The following LINGO2 variants were observed in gnomAD, a reference collection of about 807,000 sequenced individuals.
The protein encoded by LINGO2 is leucine-rich repeat and immunoglobulin-like domain-containing nogo receptor-interacting protein 2.
Under a neutral mutation model 30.6 loss-of-function variants are expected in LINGO2, and 14 were observed. That is an observed-to-expected ratio of 0.46 (90% confidence interval 0.30 to 0.72). The LOEUF is 0.72. LINGO2 is among the 30% of genes least tolerant of loss of function. The pLI is 0.07. For synonymous variants in LINGO2, 317 were observed against 288.5 expected, an observed-to-expected ratio of 1.10 and a Z score of -1.00; for missense variants, 729 against 751.7, an observed-to-expected ratio of 0.97 and a Z score of 0.35.
intron 5 of LINGO2, among the ~76,000 whole-genome samples, chr9:28,006,672 A>G (rs576301974): frequency 3.9e-5 from 6 of 152,284 alleles, no homozygotes; most frequent in African/African-American, 1.2e-4. Flanking sequence ...TAGGACTACA[A>G]TAATCTCTCA....
Position 28,028,326 on chromosome 9 carries a change from C to T in LINGO2, c.-86-15921G>A, listed in dbSNP as rs987263460. Among the ~76,000 whole-genome samples the T allele has an allele frequency of 3.9e-5, 6 of 152,154 alleles. No individual in the cohort carries two copies. In the East Asian group the frequency reaches 1.2e-3, roughly 29 times the overall value. On this transcript the variant is annotated intron_variant, in intron 4 of 5. Coordinates refer to ENST00000379992, the Ensembl canonical transcript of LINGO2. ...ATAAAATCTTTATTTCATCGATTCT[C>T]ATCTTTCACTTTAGCAGCTTTTCAA...
At chr9:28,829,757 G>C in the LINGO2 span, among the ~76,000 whole-genome samples, 1 of 152,116 alleles carries the variant, frequency 6.6e-6, no homozygotes. Flanking sequence ...GGGTGTGGTG[G>C]CAGACACCTG....
chr9:28,052,303 A>C (rs940601641), intron 4 of LINGO2, among the ~76,000 whole-genome samples: 1 of 152,118 alleles, frequency 6.6e-6, no homozygotes, highest in African/African-American at 2.4e-5. Flanking sequence ...TTAAAGTGCT[A>C]ACACAGCAAT....
At chr9:28,355,778 G>C (rs1246087201) in intron 3 of LINGO2, among the ~76,000 whole-genome samples, 1 of 151,974 alleles carries the variant, frequency 6.6e-6, no homozygotes, top group Non-Finnish European at 1.5e-5. Flanking sequence ...TGTACTCTTT[G>C]GGAAATGTGA....
At chr9:29,148,341 T>A in the LINGO2 span, among the ~76,000 whole-genome samples, 1 of 152,138 alleles carries the variant, frequency 6.6e-6, no homozygotes, top group East Asian at 1.9e-4. Flanking sequence ...CCAAAGCATT[T>A]CTCACATGTG....
chr9:28,847,990 TATATGTAC>T, the LINGO2 span, among the ~76,000 whole-genome samples: 2 of 106,216 alleles, frequency 1.9e-5, no homozygotes, highest in Admixed American at 1.0e-4. Context: ...TGTATATATG[TATATGTAC>T]ATATATACAT....
Position 28,148,653 on chromosome 9 carries a change from A to G in LINGO2, c.-86-136248T>C. Reference sequence around the variant, plus strand: ...AGCTTGACAGAAAACAACCAGACTGACAAGGCCCAGGTGCCTGCAGTGAGT... The same window carrying G: ...AGCTTGACAGAAAACAACCAGACTGGCAAGGCCCAGGTGCCTGCAGTGAGT... On this transcript the variant is annotated intron_variant, in intron 4 of 5. Coordinates refer to ENST00000379992, the Ensembl canonical transcript of LINGO2. The surrounding 1 kb of genome is among the most constrained non-coding windows in gnomAD (Gnocchi z 5.1). The G allele has an allele frequency of 6.5e-7, 1 of 1,532,362 alleles. No homozygotes were observed. Among genetic ancestry groups the G allele is most frequent in the Admixed American group, 2.0e-5 (1 of 51,000 alleles). 94.9% of individuals were successfully genotyped at this position (1,532,362 alleles called of 1,614,324 possible).
At chr9:28,966,664 T>C in the LINGO2 span, among the ~76,000 whole-genome samples, 1 of 152,116 alleles carries the variant, frequency 6.6e-6, no homozygotes, top group South Asian at 2.1e-4. Flanking sequence ...CATCTAACTA[T>C]CCTGACATGG....
At chr9:28,356,583 A>C (rs1254122902) in intron 3 of LINGO2, among the ~76,000 whole-genome samples, 3 of 152,142 alleles carry the variant, frequency 2.0e-5, no homozygotes, top group East Asian at 1.9e-4. Context: ...TTTAGGTTAG[A>C]TAAGAACTTC....
chr9:28,789,274 T>C, the LINGO2 span, among the ~76,000 whole-genome samples: 1 of 152,170 alleles, frequency 6.6e-6, no homozygotes, highest in Non-Finnish European at 1.5e-5. Flanking sequence ...GAAAGAGGAA[T>C]AGTTCATAAT....
the LINGO2 span, among the ~76,000 whole-genome samples, chr9:28,788,491 T>G: frequency 1.3e-5 from 2 of 152,306 alleles, no homozygotes. Context: ...CTTTGGTATT[T>G]GAGAGCGAAC....
the LINGO2 span, among the ~76,000 whole-genome samples, chr9:29,152,200 T>G: frequency 6.6e-6 from 1 of 152,122 alleles, no homozygotes; most frequent in Non-Finnish European, 1.5e-5. Context: ...AAGGGAACAC[T>G]TATACATTGT....
the LINGO2 span, among the ~76,000 whole-genome samples, chr9:28,819,262 C>T: frequency 6.6e-6 from 1 of 152,146 alleles, no homozygotes; most frequent in African/African-American, 2.4e-5. Flanking sequence ...CTGTTATACC[C>T]TTTCATCCAA....
chr9:28,472,774 T>C (rs1457094784), intron 2 of LINGO2, among the ~76,000 whole-genome samples: 1 of 152,178 alleles, frequency 6.6e-6, no homozygotes, highest in Non-Finnish European at 1.5e-5. Flanking sequence ...CTTTGCCCTC[T>C]GCAGTTCTGA....
intron 5 of LINGO2, among the ~76,000 whole-genome samples, chr9:27,995,845 T>C: frequency 6.6e-6 from 1 of 152,148 alleles, no homozygotes; most frequent in East Asian, 1.9e-4. Flanking sequence ...TTCAACATAG[T>C]ACTAAAAGTT....
chr9:28,665,185 G>T (rs568537762), intron 1 of LINGO2, among the ~76,000 whole-genome samples: 20 of 151,844 alleles, frequency 1.3e-4, no homozygotes, highest in Admixed American at 1.2e-3. Flanking sequence ...TTTATCAAGA[G>T]TGTTAATCTT....
chr9:29,190,010 G>A, the LINGO2 span, among the ~76,000 whole-genome samples: 3 of 143,096 alleles, frequency 2.1e-5, no homozygotes, highest in Admixed American at 7.0e-5. Context: ...TGGAAAGAGA[G>A]GAAGAGGGAG....
At chr9:28,003,731 G>GTT (rs1563902469) in intron 5 of LINGO2, among the ~76,000 whole-genome samples, 2 of 152,150 alleles carry the variant, frequency 1.3e-5, no homozygotes, top group African/African-American at 4.8e-5. Context: ...AGTTGATGAT[G>GTT]TTTTTGTAAC....
chr9:29,063,405 C>A, the LINGO2 span, among the ~76,000 whole-genome samples: 1 of 150,314 alleles, frequency 6.7e-6, no homozygotes, highest in African/African-American at 2.4e-5. Flanking sequence ...TCTATTTACA[C>A]CTTTTTTTTT....
Sources: gnomAD v4.1 joint callset for allele counts (sites outside exome capture counted in the v4.1 genomes callset) on GRCh38, gnomAD v4.1.1 for gene constraint, Gnocchi (gnomAD v3.1) non-coding constraint, MANE v1.5 for transcripts, NCBI Gene and HGNC (gene_info 2026-07-23, HGNC 2026-07-21) for gene names.